The following ZSCAN5A variants were observed in gnomAD, a reference collection of about 807,000 sequenced individuals.
The protein encoded by ZSCAN5A is zinc finger and SCAN domain containing 5A.
In ZSCAN5A, 12 loss-of-function variants were observed where a neutral mutation model predicts 23.7. The ratio of observed to expected loss-of-function variants is 0.51; its 90% CI spans 0.32 to 0.82. The LOEUF (loss-of-function observed/expected upper bound fraction) is 0.82. Ranked by LOEUF, ZSCAN5A falls within the 40% of genes least tolerant of loss-of-function variation. ZSCAN5A has a pLI of 0.03. For missense variants in ZSCAN5A, 597 were observed against 617.9 expected (o/e 0.97, Z 0.36); for synonymous variants, 257 against 239.9 (o/e 1.07, Z -0.66).
intron 2 of ZSCAN5A, among the ~76,000 whole-genome samples, chr19:56,228,025 C>G (rs1336022727): frequency 6.6e-6 from 1 of 151,942 alleles, no homozygotes; most frequent in Non-Finnish European, 1.5e-5. Context: ...GACCCTGTCT[C>G]TAAAATAAAA....
chr19:56,354,868 T>A (rs970269636), intron 2 of ZSCAN5A, among the ~76,000 whole-genome samples: 1 of 152,228 alleles, frequency 6.6e-6, no homozygotes, highest in Non-Finnish European at 1.5e-5. Context: ...CCCTAAACTA[T>A]GCATATTAGA....
At chr19:56,262,409 ATT>A (rs542630700) in intron 2 of ZSCAN5A, among the ~76,000 whole-genome samples, 1 of 142,270 alleles carries the variant, frequency 7.0e-6, no homozygotes, top group African/African-American at 2.6e-5. Context: ...CTCGTTTCTA[ATT>A]TTTTTTTTTT....
At chr19:56,347,150 A>T (rs1381249011) in intron 2 of ZSCAN5A, 4 of 152,222 alleles carry the variant, frequency 2.6e-5, no homozygotes, top group Non-Finnish European at 5.9e-5. Flanking sequence ...TCGGCCCTGA[A>T]GAAGGGGTTA....
upstream of ZSCAN5A, chr19:56,314,988 T>A (rs1405766392): frequency 6.6e-6 from 1 of 152,234 alleles, no homozygotes; most frequent in African/African-American, 2.4e-5. Context: ...CAAATAACAG[T>A]GAGTGAAAGC....
At chr19:56,247,127 C>T (rs1430266067) in intron 2 of ZSCAN5A, 3 of 680,626 alleles carry the variant, frequency 4.4e-6, no homozygotes, top group Non-Finnish European at 8.0e-6. Flanking sequence ...AGATCACACA[C>T]AGGAGAGAGA....
At chr19:56,335,878 A>G (rs1470433252) in intron 2 of ZSCAN5A, among the ~76,000 whole-genome samples, 1 of 152,184 alleles carries the variant, frequency 6.6e-6, no homozygotes, top group Non-Finnish European at 1.5e-5. Flanking sequence ...TTCTGGGTTG[A>G]AAATTCTTTT....
At chr19:56,367,804 C>T (rs1312038653) in intron 1 of ZSCAN5A, 1 of 152,210 alleles carries the variant, frequency 6.6e-6, no homozygotes, top group Non-Finnish European at 1.5e-5. Context: ...CACAGAGATG[C>T]ATATAGGGTC....
intron 2 of ZSCAN5A, among the ~76,000 whole-genome samples, chr19:56,295,329 C>T (rs1400565071): frequency 6.6e-6 from 1 of 152,120 alleles, no homozygotes; most frequent in Non-Finnish European, 1.5e-5. Context: ...CATGGTAGCT[C>T]ACACCTGTAA....
intron 2 of ZSCAN5A, chr19:56,283,413 C>T (rs1265025212): frequency 6.6e-6 from 1 of 152,142 alleles, no homozygotes; most frequent in East Asian, 1.9e-4. Flanking sequence ...TTAAAGAGCA[C>T]AGAGAGTTCA....
chr19:56,288,572 C>A (rs2039297446), intron 2 of ZSCAN5A, among the ~76,000 whole-genome samples: 1 of 152,192 alleles, frequency 6.6e-6, no homozygotes, highest in East Asian at 1.9e-4. Flanking sequence ...GCTCCCTGAG[C>A]AGCTGGGTCT....
At chr19:56,324,368 C>G (rs570987650) in intron 2 of ZSCAN5A, among the ~76,000 whole-genome samples, 1 of 151,994 alleles carries the variant, frequency 6.6e-6, no homozygotes, top group Admixed American at 6.6e-5. Context: ...TTCAGTTGGT[C>G]AAGAGGTATA....
In ZSCAN5A at chr19:56,308,326, CCA is replaced by C. The variant is rs2040831769; in HGVS notation, c.-128+4955_-128+4956del. On this transcript the variant is annotated intron_variant, in intron 2 of 5. Transcript: ENST00000683990. The stretch of plus-strand genomic sequence containing the variant: ...GGATTACAGGCGTGAGCGGTGGCTC[CCA>C]GTCTTTTTTTTTTGAGATGGAGGCT... Among the ~76,000 whole-genome samples the C allele has an allele frequency of 1.1e-4, 15 of 140,998 alleles. No individual in the cohort carries two copies. In the South Asian group the frequency reaches 3.5e-3, roughly 33 times the overall value. The allele number at this position is 140,998 out of a possible 152,430, so 92.5% of individuals were successfully genotyped here.
chr19:56,228,827 G>T (rs898241016), intron 2 of ZSCAN5A, among the ~76,000 whole-genome samples: 1 of 151,730 alleles, frequency 6.6e-6, no homozygotes, highest in Admixed American at 6.6e-5. Flanking sequence ...TTTTTAAAAA[G>T]AATATTGGAG....
At chr19:56,302,130 A>G (rs1236598340) in intron 2 of ZSCAN5A, 1 of 1,226,638 alleles carries the variant, frequency 8.2e-7, no homozygotes, top group Non-Finnish European at 1.0e-6. Context: ...GAGGAGTGTG[A>G]GGAGAGGAAG....
At chr19:56,343,981 A>T (rs1208074314) in intron 2 of ZSCAN5A, among the ~76,000 whole-genome samples, 1 of 152,256 alleles carries the variant, frequency 6.6e-6, no homozygotes, top group Non-Finnish European at 1.5e-5. Context: ...ACAAGTATTC[A>T]TCCCATTACA....
At chr19:56,247,881 C>T (rs140773590) in intron 2 of ZSCAN5A, among the ~76,000 whole-genome samples, 17 of 151,920 alleles carry the variant, frequency 1.1e-4, no homozygotes, top group Middle Eastern at 3.4e-3. Context: ...TTAGTAGAGA[C>T]GTGGTTTCAC....
chr19:56,261,526 A>G (rs1443432071), intron 2 of ZSCAN5A, among the ~76,000 whole-genome samples: 2 of 152,208 alleles, frequency 1.3e-5, no homozygotes, highest in Admixed American at 1.3e-4. Flanking sequence ...AGTATTCCCC[A>G]GAAGAGGCTG....
intron 2 of ZSCAN5A, chr19:56,281,825 C>A: frequency 2.4e-6 from 1 of 412,218 alleles, no homozygotes; most frequent in South Asian, 1.0e-4. Context: ...TTCAGATGTC[C>A]TCAATTCAAA....
chr19:56,302,147 G>C, intron 2 of ZSCAN5A: 1 of 1,209,642 alleles, frequency 8.3e-7, no homozygotes, highest in African/African-American at 1.6e-5. Context: ...GAAGGAAAGA[G>C]GAGGGAAGTG....
Sources: gnomAD v4.1 joint callset for allele counts (sites outside exome capture counted in the v4.1 genomes callset) on GRCh38, gnomAD v4.1.1 for gene constraint, MANE v1.5 for transcripts, NCBI Gene and HGNC (gene_info 2026-07-23, HGNC 2026-07-21) for gene names.